Variants in SP100 observed in about 807,000 individuals in gnomAD.
SP100 encodes nuclear autoantigen Sp-100.
In SP100, 84 loss-of-function variants were observed where a neutral mutation model predicts 130.0. The ratio of observed to expected loss-of-function variants is 0.65; its 90% confidence interval spans 0.54 to 0.77. SP100 has a LOEUF of 0.77. Ranked by LOEUF, SP100 falls within the 30% of genes least tolerant of loss-of-function variation. The pLI, the probability that SP100 is intolerant of heterozygous loss-of-function variation, is 0.00. For synonymous variants in SP100, 331 were observed against 351.7 expected (o/e 0.94, Z 0.66); for missense variants, 978 against 1,052.2 (o/e 0.93, Z 0.97).
intron 22 of SP100, chr2:230,506,782 TACACACACACACACACAC>T (rs57619257): frequency 2.8e-5 from 5 of 181,430 alleles, no homozygotes; most frequent in African/African-American, 5.1e-5. Flanking sequence ...AAATGTTAAA[TACACACACACACACACAC>T]ACACACACAC....
intron 24 of SP100, among the ~76,000 whole-genome samples, chr2:230,531,033 T>C (rs773533594): frequency 2.0e-5 from 3 of 152,136 alleles, no homozygotes; most frequent in Non-Finnish European, 4.4e-5. Context: ...GATCTAGAGC[T>C]AGAAATACTA....
chr2:230,525,031 G>A (rs1259771416), intron 24 of SP100, among the ~76,000 whole-genome samples: 1 of 152,172 alleles, frequency 6.6e-6, no homozygotes, highest in Non-Finnish European at 1.5e-5. Context: ...GTAAAGGAGA[G>A]AGGTGTAAAG....
intron 24 of SP100, chr2:230,538,407 G>C (rs1692033718): frequency 6.6e-6 from 1 of 152,106 alleles, no homozygotes; most frequent in Non-Finnish European, 1.5e-5. Flanking sequence ...AGTCTCATCT[G>C]TTACAACAAA....
intron 4 of SP100, among the ~76,000 whole-genome samples, chr2:230,445,744 A>G (rs891529638): frequency 2.0e-5 from 3 of 152,178 alleles, no homozygotes; most frequent in Non-Finnish European, 4.4e-5. Flanking sequence ...GAATGGTGCT[A>G]CCTTTACTGC....
chr2:230,473,708 C>T (rs1237140547), intron 16 of SP100, among the ~76,000 whole-genome samples: 2 of 152,086 alleles, frequency 1.3e-5, no homozygotes, highest in East Asian at 3.8e-4. Context: ...TTGCTTAACC[C>T]GACCCTTTTG....
chr2:230,449,640 C>T lies in SP100; in HGVS notation c.666C>T (p.Thr222=), dbSNP rs760189795. The T allele has an allele frequency of 1.9e-6, 3 of 1,613,956 alleles. No homozygotes were observed. Among genetic ancestry groups the T allele is most frequent in the Non-Finnish European group, 2.5e-6 (3 of 1,179,974 alleles). The stretch of plus-strand genomic sequence containing the variant: ...TAAATGCAAAGAGAAAAGATACAAC[C>T]AGTGACAAAGATGATTCGCTAGGAA... ...EQINAKRKDT[T]SDKDDSLGSQ... Residue 222 remains threonine (T), a synonymous_variant, in exon 7 of 29, where the codon ACC becomes ACT. Transcript: ENST00000340126.
chr2:230,491,930 A>T (rs953887084), intron 17 of SP100, among the ~76,000 whole-genome samples: 3 of 152,094 alleles, frequency 2.0e-5, no homozygotes, highest in African/African-American at 4.8e-5. Flanking sequence ...AGCAGCCCAC[A>T]CTCATTTCCT....
chr2:230,510,880 T>G, intron 23 of SP100: 5 of 548,322 alleles, frequency 9.1e-6, no homozygotes, highest in Non-Finnish European at 1.6e-5. Context: ...CCCTGAATGG[T>G]TTCACGAAGG....
At chr2:230,491,156 G>T (rs1274859176) in intron 17 of SP100, among the ~76,000 whole-genome samples, 5 of 152,300 alleles carry the variant, frequency 3.3e-5, no homozygotes, top group Admixed American at 1.3e-4. Context: ...ATATTTCTTG[G>T]AGGCTTTATT....
rs564749882 is a variant in SP100, at chr2:230,442,909, A to C, written c.108-28A>C. ...CAAACATCTCAGAATCTTGATGACC[A>C]TTTTCACATGGTGTCCTTTTTCCCT... On this transcript the variant is annotated intron_variant, in intron 2 of 28. Transcript: ENST00000340126. 8 of 1,603,182 alleles carry C rather than the reference A, an allele frequency of 5.0e-6. No homozygotes were observed. The African/African-American group carries it at 1.1e-4, about 22-fold the overall frequency.
chr2:230,460,516 T>C (rs190715291), intron 8 of SP100, among the ~76,000 whole-genome samples: 107 of 152,068 alleles, frequency 7.0e-4, no homozygotes, highest in Middle Eastern at 3.4e-3. Flanking sequence ...CAATGGTAGT[T>C]GTCTTTGAGC....
intron 24 of SP100, among the ~76,000 whole-genome samples, chr2:230,521,785 A>T (rs527387932): frequency 6.6e-6 from 1 of 152,284 alleles, no homozygotes; most frequent in African/African-American, 2.4e-5. Context: ...ACTGGAGGTG[A>T]GTTGTGGATT....
At chr2:230,515,845 G>T in intron 24 of SP100, 1 of 1,369,970 alleles carries the variant, frequency 7.3e-7, no homozygotes, top group Non-Finnish European at 9.4e-7. Context: ...ACTAACCTTT[G>T]CCTGGTACAG....
chr2:230,458,615 GA>G (rs1324530527), intron 8 of SP100, among the ~76,000 whole-genome samples: 6 of 152,184 alleles, frequency 3.9e-5, no homozygotes, highest in Non-Finnish European at 8.8e-5. Flanking sequence ...AAGTTATCAT[GA>G]AAACGTAGAA....
intron 15 of SP100, chr2:230,470,413 T>G: frequency 9.8e-7 from 1 of 1,016,460 alleles, no homozygotes. Flanking sequence ...TCTTAGATTT[T>G]TATAGTGATA....
At chr2:230,423,988 TA>T (rs754625837) in intron 2 of SP100, among the ~76,000 whole-genome samples, 73 of 152,312 alleles carry the variant, frequency 4.8e-4, no homozygotes, top group Non-Finnish European at 8.5e-4. Context: ...GTGCAATGAT[TA>T]AGAGTGTAGT....
At chr2:230,506,725 G>C in intron 22 of SP100, 1 of 275,560 alleles carries the variant, frequency 3.6e-6, no homozygotes, top group South Asian at 6.4e-5. Context: ...TTGGTCACAT[G>C]AAAGTAACTT....
At chr2:230,490,500 A>C (rs999303180) in intron 17 of SP100, among the ~76,000 whole-genome samples, 7 of 152,100 alleles carry the variant, frequency 4.6e-5, no homozygotes, top group South Asian at 2.1e-4. Context: ...ATTTAAGGTT[A>C]GTATTGTTAT....
rs199682900 is a variant in SP100 at position 230,449,740 on chromosome 2, G to A, written c.736+30G>A. 2.5e-5 allele frequency: 40 copies of A among 1,613,214 alleles called. No individual in the cohort carries two copies. The East Asian group carries it at 5.1e-4, about 21-fold the overall frequency. ...GACTGACTGGGTTGGCATGAATGGGGAGGAGCCAAGGGGCCCTGGCTGGTG... is the reference window on the plus strand; with the variant it reads ...GACTGACTGGGTTGGCATGAATGGGAAGGAGCCAAGGGGCCCTGGCTGGTG... On this transcript the variant is annotated intron_variant, in intron 7 of 28. Transcript: ENST00000340126.
Sources: allele counts gnomAD v4.1 joint callset (sites outside exome capture counted in the v4.1 genomes callset), GRCh38; gene constraint gnomAD v4.1.1; transcripts MANE v1.5; gene names NCBI Gene and HGNC (gene_info 2026-07-23, HGNC 2026-07-21).